Variants in BICRAL observed in about 807,000 individuals in gnomAD.
The protein encoded by BICRAL is BRD4-interacting chromatin-remodeling complex-associated protein-like.
A neutral mutation model predicts 91.8 loss-of-function variants in BICRAL; 8 were observed. The observed-to-expected ratio is 0.09, with a 90% CI of 0.05 to 0.16. BICRAL has a LOEUF of 0.16. BICRAL is among the 10% of genes least tolerant of loss of function. The probability of loss-of-function intolerance (pLI) is 1.00; values close to 1 mark genes in which losing one functional copy is unlikely to be tolerated. For missense variants in BICRAL, 1,038 were observed against 1,310.9 expected (o/e 0.79, Z 3.21); for synonymous variants, 445 against 491.1 (o/e 0.91, Z 1.24).
At chr6:42,764,721 C>T (rs751877813) in intron 1 of BICRAL, among the ~76,000 whole-genome samples, 1 of 152,030 alleles carries the variant, frequency 6.6e-6, no homozygotes, top group Non-Finnish European at 1.5e-5. Context: ...TGCAGTGGTG[C>T]GATCTCAGCT....
chr6:42,782,359 T>TGG (rs1193036755), intron 1 of BICRAL, among the ~76,000 whole-genome samples: 7 of 64,780 alleles, frequency 1.1e-4, no homozygotes, highest in Admixed American at 1.9e-4. Flanking sequence ...GGGGTGGGTT[T>TGG]GTGGGTGGGT....
intron 3 of BICRAL, among the ~76,000 whole-genome samples, 157 bp from the exon 4 acceptor site, chr6:42,822,637 CAA>C (rs2113942038): frequency 6.8e-6 from 1 of 146,162 alleles, no homozygotes; most frequent in South Asian, 2.2e-4. Context: ...AAAACAAAAA[CAA>C]GATTAAAAAA....
At chr6:42,816,223 T>C (rs979696293) in intron 2 of BICRAL, among the ~76,000 whole-genome samples, 2 of 151,230 alleles carry the variant, frequency 1.3e-5, no homozygotes, top group Admixed American at 1.3e-4. Flanking sequence ...AAAAAAGTTC[T>C]AAGTATTTAG....
chr6:42,850,373 A>G (rs1765139662), intron 6 of BICRAL, among the ~76,000 whole-genome samples: 1 of 151,978 alleles, frequency 6.6e-6, no homozygotes, highest in African/African-American at 2.4e-5. Context: ...TACAAAAATT[A>G]GCCAGGTGTG....
chr6:42,817,907 A>G (rs990103211), intron 2 of BICRAL, among the ~76,000 whole-genome samples: 11 of 150,960 alleles, frequency 7.3e-5, no homozygotes, highest in African/African-American at 2.2e-4. Context: ...TAGGGGGTTA[A>G]GGATCTCTTG....
Position 42,829,839 on chromosome 6 carries a change from G to A in BICRAL, c.1506G>A (p.Gln502=). Reference sequence around the variant, plus strand: ...TTGTGGGTGGACAGATGCCCTTGCAGCAGGCATCCCCAACTGTATTACACC... The same window carrying A: ...TTGTGGGTGGACAGATGCCCTTGCAACAGGCATCCCCAACTGTATTACACC... ...PQLVGGQMPL[Q]QASPTVLHLS... Residue 502 remains glutamine (Q), a synonymous_variant, in exon 6 of 13, where the codon CAG becomes CAA. Coordinates refer to ENST00000314073, the MANE Select transcript of BICRAL (RefSeq NM_001393499.1). The A allele has an allele frequency of 6.2e-7, 1 of 1,614,144 alleles. No homozygotes were observed. Among genetic ancestry groups the A allele is most frequent in the Non-Finnish European group, 8.5e-7 (1 of 1,180,000 alleles).
Position 42,825,943 on chromosome 6 carries a change from C to T in BICRAL, c.160-2550C>T, listed in dbSNP as rs572385953. 6.6e-5 allele frequency among the ~76,000 whole-genome samples: 10 copies of T among 151,744 alleles called. No individual in the cohort carries two copies. In the East Asian group the frequency reaches 2.0e-3, roughly 30 times the overall value. ...CTAAAAAATATAAAAATTAGCTGGG[C>T]GTGGTGGTGGGCACCTGTAATCCCA... is the stretch of plus-strand genomic sequence containing the variant. On this transcript the variant is annotated intron_variant, in intron 5 of 12. Transcript: ENST00000314073.
intron 9 of BICRAL, among the ~76,000 whole-genome samples, chr6:42,856,186 A>G (rs558414312): frequency 1.5e-4 from 23 of 151,546 alleles, no homozygotes; most frequent in Non-Finnish European, 2.4e-4. Flanking sequence ...GCGTGGTGGT[A>G]CGGGCCTGTA....
intron 1 of BICRAL, among the ~76,000 whole-genome samples, chr6:42,802,426 TTTTTGTTGTTG>T (rs992451231): frequency 7.6e-6 from 1 of 132,120 alleles, no homozygotes; most frequent in Non-Finnish European, 1.6e-5. Flanking sequence ...TTCGTGTTTT[TTTTTGTTGTTG>T]TTGTTGTTGT....
At chr6:42,807,676 C>G (rs765398009) in intron 1 of BICRAL, among the ~76,000 whole-genome samples, 15 of 151,300 alleles carry the variant, frequency 9.9e-5, no homozygotes, top group Non-Finnish European at 1.3e-4. Flanking sequence ...CGTGGTGGCG[C>G]GTGCTTGTAG....
Position 42,767,130 on chromosome 6 carries a change from C to T in BICRAL, c.-260-14709C>T, listed in dbSNP as rs539446316. Among the ~76,000 whole-genome samples the T allele has an allele frequency of 1.5e-4, 22 of 151,234 alleles. No individual in the cohort carries two copies. In the South Asian group the frequency reaches 3.8e-3, roughly 26 times the overall value. ...TTGTGCCACTGCACTCCAGCCTGGGCGACAGAGTTAAGCCTCTGTCTCAAA... is the reference window on the plus strand; with the variant it reads ...TTGTGCCACTGCACTCCAGCCTGGGTGACAGAGTTAAGCCTCTGTCTCAAA... On this transcript the variant is annotated intron_variant, in intron 1 of 14. Transcript: ENST00000614467.
Position 42,755,584 on chromosome 6 carries a change from C to T in BICRAL, c.-261+8561C>T, listed in dbSNP as rs116016956. Among the ~76,000 whole-genome samples the T allele has an allele frequency of 3.6e-3, 545 of 152,240 alleles. 6 individuals carry two copies. Among genetic ancestry groups the T allele is most frequent in the Non-Finnish European group, 4.2e-3 (289 of 68,006 alleles). On this transcript the variant is annotated intron_variant, in intron 1 of 14. Coordinates refer to the BICRAL transcript ENST00000614467. ...TGAAGACCCACCTCTTTGTCTCTCT[C>T]CTTCTCACTCAGGGCAAAGCTCCCA...
Position 42,829,641 on chromosome 6 carries a change from A to G in BICRAL, c.1308A>G (p.Gln436=). ...AACCCTCTCAGCTCATTTCTGGCCAAGTGGCCTCAGAGCATGTCATGTTGA... is the reference window on the plus strand; with the variant it reads ...AACCCTCTCAGCTCATTTCTGGCCAGGTGGCCTCAGAGCATGTCATGTTGA... ...QTQPSQLISG[Q]VASEHVMLNR... Residue 436 remains glutamine (Q), a synonymous_variant, in exon 6 of 13, where the codon CAA becomes CAG. Coordinates refer to ENST00000314073, the MANE Select transcript of BICRAL (RefSeq NM_001393499.1). 1.9e-6 allele frequency: 3 copies of G among 1,614,218 alleles called. No homozygotes were observed.
At chr6:42,787,072 C>G (rs1028850176) in intron 1 of BICRAL, among the ~76,000 whole-genome samples, 1 of 152,034 alleles carries the variant, frequency 6.6e-6, no homozygotes, top group African/African-American at 2.4e-5. Flanking sequence ...AGCCCAAGAT[C>G]GATAGTATCT....
At chr6:42,818,856 A>G (rs1015411772) in intron 2 of BICRAL, among the ~76,000 whole-genome samples, 4 of 152,198 alleles carry the variant, frequency 2.6e-5, no homozygotes, top group African/African-American at 9.6e-5. Flanking sequence ...ATTAAAAGCT[A>G]TTATTTAAGA....
At chr6:42,779,223 A>ACAC (rs1762847554), upstream of BICRAL, among the ~76,000 whole-genome samples, 1 of 132,444 alleles carries the variant, frequency 7.6e-6, no homozygotes, top group Non-Finnish European at 1.6e-5. Context: ...TCTCAAGAAA[A>ACAC]ACACACACAC....
Position 42,748,104 on chromosome 6 carries a change from C to CTTT in BICRAL, c.-261+1100_-261+1102dup, listed in dbSNP as rs35511368. Among the ~76,000 whole-genome samples, 261 of 124,538 alleles carry CTTT rather than the reference C, an allele frequency of 2.1e-3. 2 individuals are homozygous for CTTT. Among genetic ancestry groups the CTTT allele is most frequent in the South Asian group, 5.3e-3 (21 of 3,946 alleles). The allele number at this position is 124,538 out of a possible 152,430, so 81.7% of individuals were successfully genotyped here. A position where few individuals can be genotyped will look rare whatever the true frequency, so the allele number is the denominator to read the frequency against. On this transcript the variant is annotated intron_variant, in intron 1 of 14. Transcript: ENST00000614467. ...CAGGCATGAGCCACTGTGCCTGGCC[C>CTTT]TTTTTTTTTTTTTTTTTTTTTCCAG...
chr6:42,750,907 T>A (rs1762369482), intron 1 of BICRAL, among the ~76,000 whole-genome samples: 2 of 55,198 alleles, frequency 3.6e-5, no homozygotes, highest in East Asian at 3.6e-4. Flanking sequence ...TTTTTTTTTT[T>A]TAATACTTTA....
chr6:42,804,384 A>G (rs1045620758), intron 1 of BICRAL, among the ~76,000 whole-genome samples: 1 of 152,164 alleles, frequency 6.6e-6, no homozygotes, highest in Non-Finnish European at 1.5e-5. Context: ...AAAGGTTGTT[A>G]TGGGGATGCA....
Sources: allele counts gnomAD v4.1 joint callset (sites outside exome capture counted in the v4.1 genomes callset), GRCh38; gene constraint gnomAD v4.1.1; transcripts MANE v1.5; gene names NCBI Gene and HGNC (gene_info 2026-07-23, HGNC 2026-07-21).